The following GABRR2 variants were observed in gnomAD, a reference collection of about 807,000 sequenced individuals.
The protein encoded by GABRR2 is gamma-aminobutyric acid type A receptor subunit rho2.
GABRR2 carries 36 observed loss-of-function variants against 47.0 expected under a neutral mutation model. The observed-to-expected ratio is 0.77, with a 90% CI of 0.59 to 1.01. The LOEUF is 1.01. GABRR2 is among the 50% of genes least tolerant of loss of function. GABRR2 has a pLI of 0.00. For missense variants in GABRR2, 587 were observed against 594.6 expected, an observed-to-expected ratio of 0.99 and a Z score of 0.13; for synonymous variants, 204 against 227.5, an observed-to-expected ratio of 0.90 and a Z score of 0.93.
intron 2 of GABRR2, among the ~76,000 whole-genome samples, chr6:89,292,737 T>C (rs1252642110): frequency 7.5e-6 from 1 of 132,912 alleles, no homozygotes; most frequent in African/African-American, 2.8e-5. Flanking sequence ...GTATATATCA[T>C]ATATAATCGT....
At chr6:89,302,658 A>G in intron 1 of GABRR2, 1 of 1,289,836 alleles carries the variant, frequency 7.8e-7, no homozygotes. Context: ...TGCCAAGAAC[A>G]TGATGGCTGC....
chr6:89,303,127 C>A, intron 1 of GABRR2: 2 of 540,060 alleles, frequency 3.7e-6, no homozygotes, highest in Non-Finnish European at 6.8e-6. Flanking sequence ...CTGCTTGCAG[C>A]TGGAGTGAGG....
chr6:89,258,756 G>C (rs1361054194), intron 8 of GABRR2, among the ~76,000 whole-genome samples: 1 of 150,336 alleles, frequency 6.7e-6, no homozygotes, highest in African/African-American at 2.4e-5. Flanking sequence ...AGAAAAAGAT[G>C]ATGAGGTAGA....
Position 89,257,660 on chromosome 6 carries a change from C to T in GABRR2, c.*10G>A. 14 of 1,603,594 alleles carry T rather than the reference C, an allele frequency of 8.7e-6. No individual in the cohort carries two copies. The highest frequency in any genetic ancestry group is 1.2e-5 in the Non-Finnish European group (14 of 1,173,914). On this transcript the variant is annotated 3_prime_UTR_variant, in exon 9 of 9. Coordinates refer to ENST00000402938, the MANE Select transcript of GABRR2 (RefSeq NM_002043.5). ...GTCTATGCCCTCTTCTAGGAACAGC[C>T]TTGGAGCCCCTAGGAAAACACTGAC...
At chr6:89,262,285 AG>A (rs1419948361) in intron 8 of GABRR2, among the ~76,000 whole-genome samples, 1 of 152,236 alleles carries the variant, frequency 6.6e-6, no homozygotes, top group African/African-American at 2.4e-5. Flanking sequence ...TCTCCGCCCC[AG>A]GGTGAACATG....
intron 2 of GABRR2, among the ~76,000 whole-genome samples, chr6:89,290,994 G>T (rs146471684): frequency 6.6e-6 from 1 of 152,092 alleles, no homozygotes; most frequent in Non-Finnish European, 1.5e-5. Context: ...CTCCGTAAAC[G>T]CACTTTCACT....
In GABRR2 at chr6:89,269,111, C is replaced by T. The variant is rs759334518; in HGVS notation, c.412G>A (p.Val138Ile). ...RLVKKIWVPD[V>I]FFVHSKRSFT... ...GATCTTTTGGAGTGAACAAAGAAGACATCAGGGACCCAGATCTTCTTCACC... is the reference window on the plus strand; with the variant it reads ...GATCTTTTGGAGTGAACAAAGAAGATATCAGGGACCCAGATCTTCTTCACC... Residue 138 changes from valine (V) to isoleucine (I), a missense_variant, in exon 4 of 9, where the codon GTC becomes ATC. Val to Ile is a conservative substitution (Grantham distance 29, BLOSUM62 3). Coordinates refer to ENST00000402938, the MANE Select transcript of GABRR2 (RefSeq NM_002043.5). 3.0e-5 allele frequency: 48 copies of T among 1,613,914 alleles called. No homozygotes were observed. The highest frequency in any genetic ancestry group is 5.5e-5 in the South Asian group (5 of 91,084).
intron 6 of GABRR2, 74 bp downstream of exon 6, chr6:89,267,605 G>A (rs1403037431): frequency 1.1e-5 from 12 of 1,121,012 alleles, no homozygotes; most frequent in Non-Finnish European, 1.0e-5. Flanking sequence ...ATATTTTCCT[G>A]GGGTTAAGGC....
At chr6:89,290,104 G>A (rs1269894875) in intron 2 of GABRR2, among the ~76,000 whole-genome samples, 1 of 152,156 alleles carries the variant, frequency 6.6e-6, no homozygotes. Flanking sequence ...GCATTTTAGA[G>A]ACCCTGTCTC....
intron 8 of GABRR2, among the ~76,000 whole-genome samples, chr6:89,259,072 G>GA (rs543868765): frequency 6.6e-6 from 1 of 151,822 alleles, no homozygotes; most frequent in Non-Finnish European, 1.5e-5. Flanking sequence ...GGGAGGAAAG[G>GA]AAATGGTTTC....
chr6:89,309,522 G>A (rs1435807081), intron 1 of GABRR2, among the ~76,000 whole-genome samples: 3 of 152,152 alleles, frequency 2.0e-5, no homozygotes. Context: ...TGCATTGAAA[G>A]TGATGGCAAT....
At chr6:89,259,817 T>C (rs1773701415) in intron 8 of GABRR2, among the ~76,000 whole-genome samples, 1 of 151,756 alleles carries the variant, frequency 6.6e-6, no homozygotes, top group Non-Finnish European at 1.5e-5. Flanking sequence ...AATTTTTGAA[T>C]AATTATCATA....
chr6:89,263,023 C>G (rs1477501373), intron 8 of GABRR2, among the ~76,000 whole-genome samples: 2 of 152,176 alleles, frequency 1.3e-5, no homozygotes, highest in Non-Finnish European at 2.9e-5. Context: ...GTAAAATCTC[C>G]CAGTTGTATT....
chr6:89,286,648 G>C (rs368073163), intron 2 of GABRR2, among the ~76,000 whole-genome samples: 58 of 152,188 alleles, frequency 3.8e-4, no homozygotes, highest in Admixed American at 1.2e-3. Flanking sequence ...AGTCCTTCAG[G>C]AGCATGGTGA....
At chr6:89,267,922 G>A (rs765660010) in intron 5 of GABRR2, 92 bp downstream of exon 5, 7 of 1,567,116 alleles carry the variant, frequency 4.5e-6, no homozygotes, top group East Asian at 2.2e-5. Flanking sequence ...AGGTCTTAAC[G>A]CTGGCGGGCA....
At chr6:89,264,346 G>T in intron 8 of GABRR2, 66 bp downstream of exon 8, 1 of 1,524,512 alleles carries the variant, frequency 6.6e-7, no homozygotes, top group South Asian at 1.2e-5. Context: ...CTGCCCCCTG[G>T]CCCAGAAGAC....
intron 2 of GABRR2, among the ~76,000 whole-genome samples, chr6:89,295,887 C>G (rs182185305): frequency 0.011 from 1,662 of 152,204 alleles, 29 homozygotes; most frequent in African/African-American, 0.036. Context: ...AATAGGGAAT[C>G]GTTTCCCCAT....
chr6:89,305,539 A>C (rs890891992), intron 1 of GABRR2, among the ~76,000 whole-genome samples: 3 of 151,972 alleles, frequency 2.0e-5, no homozygotes, highest in African/African-American at 7.2e-5. Flanking sequence ...TGGGAAAATC[A>C]CTTGAGCCCA....
At chr6:89,315,010 A>G in intron 1 of GABRR2, 43 bp downstream of exon 1, 3 of 1,558,712 alleles carry the variant, frequency 1.9e-6, no homozygotes, top group Non-Finnish European at 2.6e-6. Flanking sequence ...TGCTGCTGCT[A>G]CTATGCAGGG....
Sources: gnomAD v4.1 joint callset for allele counts (sites outside exome capture counted in the v4.1 genomes callset) on GRCh38, gnomAD v4.1.1 for gene constraint, MANE v1.5 for transcripts, NCBI Gene and HGNC (gene_info 2026-07-23, HGNC 2026-07-21) for gene names.